Variants in ST3GAL3 observed in about 807,000 individuals in gnomAD.
ST3GAL3 encodes CMP-N-acetylneuraminate-beta-1,4-galactoside alpha-2,3-sialyltransferase.
In ST3GAL3, 21 loss-of-function variants were observed where a neutral mutation model predicts 50.1. That is an observed-to-expected ratio of 0.42 (90% CI 0.30 to 0.60). ST3GAL3 has a LOEUF of 0.60. ST3GAL3 is among the 20% of genes least tolerant of loss of function. ST3GAL3 has a pLI of 0.19. For synonymous variants in ST3GAL3, 183 were observed against 190.0 expected (o/e 0.96, Z 0.30); for missense variants, 353 against 489.4 (o/e 0.72, Z 2.63).
At chr1:43,891,532 G>A (rs2076682097) in intron 5 of ST3GAL3, among the ~76,000 whole-genome samples, 1 of 152,208 alleles carries the variant, frequency 6.6e-6, no homozygotes, top group Non-Finnish European at 1.5e-5. Flanking sequence ...TCGCACCATT[G>A]CACTCCAGCC....
chr1:43,724,044 C>A (rs1467252773), intron 1 of ST3GAL3, among the ~76,000 whole-genome samples: 1 of 151,774 alleles, frequency 6.6e-6, no homozygotes, highest in Non-Finnish European at 1.5e-5. Context: ...AAGATAGCAC[C>A]CTGAGCTGCT....
At chr1:43,820,550 C>T (rs955993949) in intron 4 of ST3GAL3, among the ~76,000 whole-genome samples, 2 of 152,178 alleles carry the variant, frequency 1.3e-5, no homozygotes, top group South Asian at 2.1e-4. Flanking sequence ...CCTAAAATAC[C>T]TTATGTCTAG....
intron 2 of ST3GAL3, among the ~76,000 whole-genome samples, chr1:43,746,062 A>G (rs1208402316): frequency 4.6e-5 from 7 of 152,266 alleles, no homozygotes; most frequent in Non-Finnish European, 8.8e-5. Flanking sequence ...CTTAGAATAT[A>G]TCCCTGTCGT....
chr1:43,875,383 G>A (rs1293626981), intron 5 of ST3GAL3, among the ~76,000 whole-genome samples: 1 of 152,124 alleles, frequency 6.6e-6, no homozygotes, highest in African/African-American at 2.4e-5. Context: ...ATAGGAAAGA[G>A]ATTAAGATCA....
intron 1 of ST3GAL3, chr1:43,708,016 A>G (rs1054633049): frequency 6.6e-6 from 1 of 152,352 alleles, no homozygotes; most frequent in Non-Finnish European, 1.5e-5. Context: ...GGACACCGTC[A>G]TTCGGGCCCT....
intron 2 of ST3GAL3, chr1:43,743,433 G>T: frequency 2.9e-6 from 1 of 345,864 alleles, no homozygotes; most frequent in Non-Finnish European, 5.7e-6. Flanking sequence ...TGTTCCCTGT[G>T]GCCCATGAAA....
chr1:43,775,531 C>A (rs1387342918), intron 2 of ST3GAL3, among the ~76,000 whole-genome samples: 1 of 152,156 alleles, frequency 6.6e-6, no homozygotes, highest in Non-Finnish European at 1.5e-5. Flanking sequence ...CCGCACTCAG[C>A]CGGAAATCTG....
At chr1:43,771,623 C>T (rs915159268) in intron 2 of ST3GAL3, among the ~76,000 whole-genome samples, 1 of 152,142 alleles carries the variant, frequency 6.6e-6, no homozygotes, top group Non-Finnish European at 1.5e-5. Context: ...TCCCAAAGTA[C>T]TGGGATTACA....
At chr1:43,780,422 G>A (rs1407609212) in intron 2 of ST3GAL3, among the ~76,000 whole-genome samples, 1 of 152,018 alleles carries the variant, frequency 6.6e-6, no homozygotes, top group African/African-American at 2.4e-5. Flanking sequence ...CACTCAGAGG[G>A]CCCTTTTAAG....
chr1:43,820,675 G>A (rs995309415), intron 4 of ST3GAL3, among the ~76,000 whole-genome samples: 4 of 152,106 alleles, frequency 2.6e-5, no homozygotes, highest in Non-Finnish European at 4.4e-5. Flanking sequence ...ATTCCCTGCT[G>A]CTTGTATCTA....
chr1:43,912,525 G>A (rs1251945958), intron 9 of ST3GAL3: 3 of 152,274 alleles, frequency 2.0e-5, no homozygotes, highest in African/African-American at 7.2e-5. Flanking sequence ...TGAATAAACT[G>A]AAGGGAAAGC....
rs1015414824 is a variant in ST3GAL3 at position 43,737,153 on chromosome 1, G to T, written c.118+773G>T. ...TAGTGGTTTTCTTTTTGGTTATTTT[G>T]TCTGACTGTTATCTGAGCTTGGTGT... On this transcript the variant is annotated intron_variant, in intron 2 of 11. Transcript: ENST00000347631. This position sits in a 1 kb window ranked among gnomAD's most constrained non-coding sequence, Gnocchi z 4.0. 1.3e-5 allele frequency: 2 copies of T among 152,714 alleles called. No individual in the cohort carries two copies. The highest frequency in any genetic ancestry group is 6.5e-5 in the Admixed American group (1 of 15,330). 9.5% of individuals were successfully genotyped at this position (152,714 alleles called of 1,614,324 possible).
chr1:43,800,098 G>A (rs1411571194), intron 3 of ST3GAL3, among the ~76,000 whole-genome samples: 1 of 152,110 alleles, frequency 6.6e-6, no homozygotes, highest in East Asian at 1.9e-4. Flanking sequence ...CGTTGGAGAA[G>A]AGCTGTGCTG....
intron 4 of ST3GAL3, among the ~76,000 whole-genome samples, chr1:43,835,076 G>A (rs1451744464): frequency 6.6e-6 from 1 of 152,128 alleles, no homozygotes; most frequent in African/African-American, 2.4e-5. Context: ...CCAGGGGCTT[G>A]GTAGTCACGT....
intron 3 of ST3GAL3, among the ~76,000 whole-genome samples, chr1:43,803,589 T>C (rs536921663): frequency 6.6e-6 from 1 of 152,388 alleles, no homozygotes; most frequent in Non-Finnish European, 1.5e-5. Flanking sequence ...GTTTCATTAT[T>C]ACATGTATTC....
chr1:43,777,826 C>T (rs1697854980), intron 2 of ST3GAL3, among the ~76,000 whole-genome samples: 1 of 152,108 alleles, frequency 6.6e-6, no homozygotes, highest in Admixed American at 6.6e-5. Context: ...AGATAAACTA[C>T]AGAATGGGAG....
chr1:43,897,088 G>GTT (rs546331081), intron 6 of ST3GAL3, among the ~76,000 whole-genome samples: 21 of 124,786 alleles, frequency 1.7e-4, no homozygotes, highest in African/African-American at 4.4e-4. Context: ...ATTTAATCTG[G>GTT]TTTTTTTTTT....
At chr1:43,869,446 G>A (rs564411682) in intron 5 of ST3GAL3, among the ~76,000 whole-genome samples, 6 of 152,174 alleles carry the variant, frequency 3.9e-5, no homozygotes, top group African/African-American at 7.2e-5. Context: ...TCCATCTTAC[G>A]ACTTTTCCCC....
intron 5 of ST3GAL3, among the ~76,000 whole-genome samples, chr1:43,856,943 AT>A (rs1209461054): frequency 0.053 from 7,722 of 146,354 alleles, 619 homozygotes; most frequent in African/African-American, 0.18. Flanking sequence ...AAGTTGTGGG[AT>A]TTTTTTTTTT....
Sources: allele counts gnomAD v4.1 joint callset (sites outside exome capture counted in the v4.1 genomes callset), GRCh38; gene constraint gnomAD v4.1.1; non-coding constraint Gnocchi (gnomAD v3.1); transcripts MANE v1.5; gene names NCBI Gene and HGNC (gene_info 2026-07-23, HGNC 2026-07-21).